KLHL20: variants seen among roughly 807,000 people sequenced by gnomAD.
The protein encoded by KLHL20 is kelch like family member 20, also known as kelch-like protein 20.
A neutral mutation model predicts 69.5 loss-of-function variants in KLHL20; 29 were observed. The ratio of observed to expected loss-of-function variants is 0.42; its 90% CI spans 0.31 to 0.57. KLHL20 has a LOEUF of 0.57. Ranked by LOEUF, KLHL20 falls within the 20% of genes least tolerant of loss-of-function variation. The probability of loss-of-function intolerance (pLI) is 0.18; values close to 1 mark genes in which losing one functional copy is unlikely to be tolerated. For synonymous variants in KLHL20, 253 were observed against 265.2 expected, an observed-to-expected ratio of 0.95 and a Z score of 0.45; for missense variants, 419 against 776.0, an observed-to-expected ratio of 0.54 and a Z score of 5.47.
chr1:173,731,757 T>A (rs955553210), intron 2 of KLHL20, among the ~76,000 whole-genome samples: 9 of 151,682 alleles, frequency 5.9e-5, no homozygotes, highest in Non-Finnish European at 1.2e-4. Context: ...GAGATATACC[T>A]AATGTTAAAT....
At chr1:173,727,847 G>A (rs984741185) in intron 2 of KLHL20, among the ~76,000 whole-genome samples, 16 of 152,200 alleles carry the variant, frequency 1.1e-4, no homozygotes, top group South Asian at 1.0e-3. Flanking sequence ...ATCAACTAAC[G>A]AGCAAAATAA....
chr1:173,744,798 A>AC (rs1160944687), intron 3 of KLHL20, among the ~76,000 whole-genome samples: 1 of 152,182 alleles, frequency 6.6e-6, no homozygotes, highest in Non-Finnish European at 1.5e-5. Context: ...TAGGCCATAT[A>AC]CCAGTATGAT....
chr1:173,776,616 G>A (rs1648491958), intron 10 of KLHL20, among the ~76,000 whole-genome samples: 1 of 152,086 alleles, frequency 6.6e-6, no homozygotes, highest in Non-Finnish European at 1.5e-5. Flanking sequence ...AAAAAATGGG[G>A]TCTAGTTTCA....
chr1:173,753,175 A>C, intron 4 of KLHL20, 38 bp from the exon 5 acceptor site: 1 of 1,528,892 alleles, frequency 6.5e-7, no homozygotes, highest in East Asian at 2.3e-5. Flanking sequence ...CTATCTCAAA[A>C]TTAATTAATT....
At chr1:173,715,924 G>A (rs1008791400) in intron 1 of KLHL20, 79 bp from the exon 2 acceptor site, 9 of 1,030,918 alleles carry the variant, frequency 8.7e-6, no homozygotes, top group African/African-American at 8.0e-5. Flanking sequence ...GACGAAATGA[G>A]TGAAATGATT....
intron 2 of KLHL20, among the ~76,000 whole-genome samples, chr1:173,724,135 T>TATACAC (rs1179505708): frequency 6.6e-6 from 1 of 151,946 alleles, no homozygotes; most frequent in Admixed American, 6.6e-5. Flanking sequence ...TTTATATATA[T>TATACAC]ATACACATAC....
chr1:173,755,845 T>C (rs1673526886), intron 5 of KLHL20, 78 bp from the exon 6 acceptor site: 3 of 915,128 alleles, frequency 3.3e-6, no homozygotes, highest in Non-Finnish European at 5.2e-6. Flanking sequence ...TGCCAACCTA[T>C]ATATTCCTAA....
chr1:173,742,037 G>C (rs1305240737), intron 3 of KLHL20: 1 of 445,694 alleles, frequency 2.2e-6, no homozygotes, highest in African/African-American at 2.0e-5. Context: ...TATGTCAAGA[G>C]CTTCTGTTGG....
chr1:173,721,761 G>A (rs1448185767), intron 2 of KLHL20, among the ~76,000 whole-genome samples: 3 of 152,162 alleles, frequency 2.0e-5, no homozygotes, highest in Non-Finnish European at 4.4e-5. Flanking sequence ...GGAATATAGT[G>A]CCTATTGGGA....
chr1:173,751,020 A>T (rs941935147), intron 3 of KLHL20, among the ~76,000 whole-genome samples: 1 of 152,216 alleles, frequency 6.6e-6, no homozygotes, highest in African/African-American at 2.4e-5. Flanking sequence ...CATCACATGT[A>T]GTACAGTCTC....
intron 8 of KLHL20, among the ~76,000 whole-genome samples, chr1:173,767,227 CCTT>C (rs2102522245): frequency 6.6e-6 from 1 of 152,200 alleles, no homozygotes; most frequent in African/African-American, 2.4e-5. Context: ...GTCAGGATTT[CCTT>C]CTTTTTTAAG....
intron 10 of KLHL20, among the ~76,000 whole-genome samples, chr1:173,776,218 A>C (rs992368878): frequency 1.3e-5 from 2 of 152,054 alleles, no homozygotes; most frequent in South Asian, 4.1e-4. Context: ...CCTGTTTGCT[A>C]TTTTTATGTC....
chr1:173,775,914 G>A, intron 10 of KLHL20, 72 bp downstream of exon 10: 3 of 1,262,032 alleles, frequency 2.4e-6, no homozygotes, highest in Non-Finnish European at 3.5e-6. Context: ...ACATGGGAGT[G>A]CAGATATCTC....
In KLHL20 at chr1:173,758,599, C is replaced by T. The variant is rs1673657972; in HGVS notation, c.1151+1440C>T. 3.3e-5 allele frequency among the ~76,000 whole-genome samples: 5 copies of T among 152,374 alleles called. No individual in the cohort carries two copies. In the South Asian group the frequency reaches 1.0e-3, roughly 32 times the overall value. Reference sequence around the variant, plus strand: ...GGGAGACCCTCCTCTCCCAAACACACACCCCCACTGGAGAAGCTGAAGGTC... The same window carrying T: ...GGGAGACCCTCCTCTCCCAAACACATACCCCCACTGGAGAAGCTGAAGGTC... On this transcript the variant is annotated intron_variant, in intron 7 of 11. Transcript: ENST00000209884.
rs867193765 is a variant in KLHL20 at position 173,734,466 on chromosome 1, A to G, written c.597+180A>G. ...TTAGAGGGCAATTTTGTGTTCTACC[A>G]GCAAGTTAAGATTTAGGGATTTATT... On this transcript the variant is annotated intron_variant, in intron 3 of 11. Transcript: ENST00000209884. 2.4e-5 allele frequency: 15 copies of G among 629,708 alleles called. No individual in the cohort carries two copies. In the Middle Eastern group the frequency reaches 3.6e-3, roughly 151 times the overall value. The allele number at this position is 629,708 out of a possible 1,614,324, so 39.0% of individuals were successfully genotyped here. A position where few individuals can be genotyped will look rare whatever the true frequency, so the allele number is the denominator to read the frequency against.
chr1:173,773,746 A>G (rs1648257899), intron 8 of KLHL20, among the ~76,000 whole-genome samples: 1 of 151,444 alleles, frequency 6.6e-6, no homozygotes, highest in Admixed American at 6.6e-5. Flanking sequence ...GGGCACGGTC[A>G]CTCACGCCTG....
chr1:173,764,242 G>T (rs1042772738), intron 7 of KLHL20, among the ~76,000 whole-genome samples: 3 of 152,160 alleles, frequency 2.0e-5, no homozygotes, highest in Non-Finnish European at 4.4e-5. Context: ...TGGTGTGGAT[G>T]CTGTGAACAG....
chr1:173,747,589 GAGC>G (rs1392840707), intron 3 of KLHL20, among the ~76,000 whole-genome samples: 1 of 151,906 alleles, frequency 6.6e-6, no homozygotes, highest in Non-Finnish European at 1.5e-5. Context: ...TTTGCTTTAT[GAGC>G]AGATTTGAAA....
At chr1:173,730,102 G>A (rs1172144222) in intron 2 of KLHL20, among the ~76,000 whole-genome samples, 2 of 152,124 alleles carry the variant, frequency 1.3e-5, no homozygotes, top group African/African-American at 4.8e-5. Context: ...CAAATCATGA[G>A]TGAACTCCCA....
Sources: gnomAD v4.1 joint callset for allele counts (sites outside exome capture counted in the v4.1 genomes callset) on GRCh38, gnomAD v4.1.1 for gene constraint, MANE v1.5 for transcripts, NCBI Gene and HGNC (gene_info 2026-07-23, HGNC 2026-07-21) for gene names.